Variants in TENM3 observed in about 807,000 individuals in gnomAD.
TENM3 encodes teneurin-3.
Under a neutral mutation model 255.1 loss-of-function variants are expected in TENM3, and 63 were observed. The observed-to-expected ratio is 0.25, with a 90% confidence interval of 0.20 to 0.30. The LOEUF (loss-of-function observed/expected upper bound fraction) is 0.30, where lower values mean the gene tolerates loss of function less well. Ranked by LOEUF, TENM3 falls within the 10% of genes least tolerant of loss-of-function variation. The pLI is 1.00. For synonymous variants in TENM3, 1,306 were observed against 1,322.3 expected, an observed-to-expected ratio of 0.99 and a Z score of 0.27; for missense variants, 2,929 against 3,461.1, an observed-to-expected ratio of 0.85 and a Z score of 3.86.
intron 1 of TENM3, among the ~76,000 whole-genome samples, chr4:182,210,971 G>T (rs1448836795): frequency 6.6e-6 from 1 of 152,128 alleles, no homozygotes; most frequent in East Asian, 1.9e-4. Flanking sequence ...CTTCCTATAG[G>T]TGGTCTTCCC....
intron 3 of TENM3, among the ~76,000 whole-genome samples, chr4:182,455,349 G>T (rs1228279166): frequency 1.3e-5 from 2 of 151,854 alleles, no homozygotes. Context: ...CCTGCCTTCT[G>T]CCTGTCTTTT....
chr4:182,081,273 T>C, the TENM3 span, among the ~76,000 whole-genome samples: 1 of 151,990 alleles, frequency 6.6e-6, no homozygotes, highest in South Asian at 2.1e-4. Context: ...GGGCACCAAG[T>C]GCTTCAAAGA....
At chr4:182,022,221 C>G in the TENM3 span, among the ~76,000 whole-genome samples, 1 of 151,472 alleles carries the variant, frequency 6.6e-6, no homozygotes, top group Non-Finnish European at 1.5e-5. Context: ...TATGCAGCCA[C>G]AAACAGAATG....
chr4:181,956,534 A>G, the TENM3 span, among the ~76,000 whole-genome samples: 1 of 152,208 alleles, frequency 6.6e-6, no homozygotes, highest in African/African-American at 2.4e-5. Flanking sequence ...GTAGGTATTC[A>G]GCAAATGTGA....
chr4:182,518,311 G>A (rs533034465), intron 3 of TENM3, among the ~76,000 whole-genome samples: 88 of 152,204 alleles, frequency 5.8e-4, no homozygotes, highest in Non-Finnish European at 1.1e-3. Flanking sequence ...AATCGTGACT[G>A]TGAGTGGGAT....
At chr4:181,506,896 G>A in the TENM3 span, among the ~76,000 whole-genome samples, 102 of 152,250 alleles carry the variant, frequency 6.7e-4, 1 homozygote, top group Middle Eastern at 0.01. Flanking sequence ...CAAATAGTGT[G>A]TATTCCAATA....
chr4:181,968,856 G>A, the TENM3 span, among the ~76,000 whole-genome samples: 1 of 151,830 alleles, frequency 6.6e-6, no homozygotes, highest in East Asian at 1.9e-4. Flanking sequence ...AAAATTGGAG[G>A]AATCATTACA....
At chr4:182,557,936 T>C (rs760237207) in intron 3 of TENM3, among the ~76,000 whole-genome samples, 8 of 152,224 alleles carry the variant, frequency 5.3e-5, no homozygotes, top group Non-Finnish European at 1.0e-4. Flanking sequence ...GTTACTCAGT[T>C]GCAGTCCTAG....
At chr4:182,431,479 GA>G (rs1218356851) in intron 3 of TENM3, among the ~76,000 whole-genome samples, 3 of 152,176 alleles carry the variant, frequency 2.0e-5, no homozygotes, top group African/African-American at 7.2e-5. Flanking sequence ...GCAACAAAGC[GA>G]GACTCCCTCT....
At chr4:181,541,733 G>A in the TENM3 span, among the ~76,000 whole-genome samples, 1 of 152,166 alleles carries the variant, frequency 6.6e-6, no homozygotes, top group African/African-American at 2.4e-5. Flanking sequence ...TGTCTCATCA[G>A]AACACAGCTC....
chr4:182,204,585 C>T (rs988136485), intron 1 of TENM3, among the ~76,000 whole-genome samples: 2 of 152,214 alleles, frequency 1.3e-5, no homozygotes, highest in Non-Finnish European at 2.9e-5. Flanking sequence ...TTGCCTCCCA[C>T]TGTCTGTTCT....
At chr4:181,712,649 T>G in the TENM3 span, among the ~76,000 whole-genome samples, 6 of 152,212 alleles carry the variant, frequency 3.9e-5, no homozygotes, top group African/African-American at 1.4e-4. Context: ...TTGTTTTATT[T>G]TTCGCTCTCT....
chr4:182,340,046 T>C (rs1180119998), intron 2 of TENM3, among the ~76,000 whole-genome samples: 1 of 152,194 alleles, frequency 6.6e-6, no homozygotes, highest in African/African-American at 2.4e-5. Flanking sequence ...ACTCACAACC[T>C]AATTTTTCTT....
At chr4:182,543,222 C>G (rs372416348) in intron 3 of TENM3, among the ~76,000 whole-genome samples, 1 of 79,458 alleles carries the variant, frequency 1.3e-5, no homozygotes, top group Non-Finnish European at 3.4e-5. Context: ...TGGAGGGATG[C>G]ATGGATGCAT....
the TENM3 span, among the ~76,000 whole-genome samples, chr4:181,892,280 G>A: frequency 2.0e-5 from 3 of 152,112 alleles, no homozygotes; most frequent in African/African-American, 7.2e-5. Context: ...CTGAGTCCTA[G>A]TATATATGCT....
At chr4:182,611,374 T>G (rs898787221) in intron 4 of TENM3, among the ~76,000 whole-genome samples, 43 of 151,502 alleles carry the variant, frequency 2.8e-4, no homozygotes, top group Admixed American at 5.3e-4. Flanking sequence ...ATTCATCTAA[T>G]GATGTATTTA....
intron 3 of TENM3, among the ~76,000 whole-genome samples, chr4:182,466,818 A>G (rs1732641971): frequency 1.2e-5 from 1 of 80,974 alleles, no homozygotes; most frequent in Non-Finnish European, 2.8e-5. Context: ...AAAGGATACA[A>G]GAAGGTAAAA....
chr4:182,193,519 C>T (rs1753654496), intron 1 of TENM3, among the ~76,000 whole-genome samples: 1 of 152,098 alleles, frequency 6.6e-6, no homozygotes, highest in African/African-American at 2.4e-5. Flanking sequence ...TGAAGTTTAC[C>T]ACATTTGACC....
chr4:182,363,353 A>G (rs747311343), intron 3 of TENM3, among the ~76,000 whole-genome samples: 7 of 151,938 alleles, frequency 4.6e-5, no homozygotes, highest in Non-Finnish European at 1.0e-4. Context: ...GTGTGTATGT[A>G]TGTGTATATA....
Sources: allele counts gnomAD v4.1 joint callset (sites outside exome capture counted in the v4.1 genomes callset), GRCh38; gene constraint gnomAD v4.1.1; transcripts MANE v1.5; gene names NCBI Gene and HGNC (gene_info 2026-07-23, HGNC 2026-07-21).